Variants in NRXN1 observed in about 807,000 individuals in gnomAD.
The protein encoded by NRXN1 is neurexin-1.
Under a neutral mutation model 150.9 loss-of-function variants are expected in NRXN1, and 39 were observed. That is an observed-to-expected ratio of 0.26 (90% CI 0.20 to 0.34). The LOEUF (loss-of-function observed/expected upper bound fraction) is 0.34, where lower values mean the gene tolerates loss of function less well. Ranked by LOEUF, NRXN1 falls within the 10% of genes least tolerant of loss-of-function variation. The pLI is 1.00. For missense variants in NRXN1, 1,815 were observed against 1,949.9 expected, an observed-to-expected ratio of 0.93 and a Z score of 1.30; for synonymous variants, 924 against 757.0, an observed-to-expected ratio of 1.22 and a Z score of -3.62.
intron 12 of NRXN1, among the ~76,000 whole-genome samples, chr2:50,519,388 T>C (rs1015528431): frequency 3.3e-5 from 5 of 151,992 alleles, no homozygotes; most frequent in African/African-American, 9.7e-5. Flanking sequence ...TTGAAAAATA[T>C]TGGAATTAAT....
intron 17 of NRXN1, among the ~76,000 whole-genome samples, chr2:50,255,627 A>G (rs1408565491): frequency 6.6e-6 from 1 of 152,166 alleles, no homozygotes; most frequent in Non-Finnish European, 1.5e-5. Context: ...AGAAAAACCT[A>G]TAAAACAGAA....
chr2:50,115,645 A>G (rs1702959977), intron 18 of NRXN1, among the ~76,000 whole-genome samples: 2 of 152,128 alleles, frequency 1.3e-5, no homozygotes, highest in South Asian at 4.1e-4. Flanking sequence ...CAGTCTTGGG[A>G]AAAGAAAAAA....
At chr2:50,219,827 C>A (rs2063672241) in intron 18 of NRXN1, among the ~76,000 whole-genome samples, 1 of 146,742 alleles carries the variant, frequency 6.8e-6, no homozygotes, top group African/African-American at 2.5e-5. Context: ...AGTGTCGAGG[C>A]TTCAGTGAGC....
intron 5 of NRXN1, among the ~76,000 whole-genome samples, chr2:50,694,883 G>A (rs1046575270): frequency 7.2e-5 from 11 of 152,236 alleles, no homozygotes; most frequent in African/African-American, 2.2e-4. Flanking sequence ...TAATTGCGGG[G>A]TATTCTCTTG....
At chr2:49,977,871 A>C (rs2152503702) in intron 21 of NRXN1, among the ~76,000 whole-genome samples, 1 of 152,330 alleles carries the variant, frequency 6.6e-6, no homozygotes, top group East Asian at 1.9e-4. Context: ...TTTTAAAGGT[A>C]TGGACAGAAA....
intron 18 of NRXN1, among the ~76,000 whole-genome samples, chr2:50,113,227 C>T (rs576963989): frequency 6.6e-6 from 1 of 152,138 alleles, no homozygotes; most frequent in Non-Finnish European, 1.5e-5. Context: ...CTACCTTTCC[C>T]GCAGCCATCA....
intron 2 of NRXN1, among the ~76,000 whole-genome samples, chr2:50,956,249 C>A (rs1692266128): frequency 1.3e-5 from 2 of 152,052 alleles, no homozygotes; most frequent in South Asian, 4.1e-4. Flanking sequence ...TAACCTCTTA[C>A]TGTGCCTATT....
At chr2:50,007,591 C>T (rs958481744) in intron 21 of NRXN1, among the ~76,000 whole-genome samples, 3 of 152,026 alleles carry the variant, frequency 2.0e-5, no homozygotes, top group Non-Finnish European at 4.4e-5. Flanking sequence ...ATAGTATTCC[C>T]TAGTGTATAT....
At chr2:50,515,600 G>GGGGTGTGTGTGTGTGTGTGTGTGT (rs952552460) in intron 12 of NRXN1, among the ~76,000 whole-genome samples, 1 of 143,426 alleles carries the variant, frequency 7.0e-6, no homozygotes, top group African/African-American at 2.6e-5. Flanking sequence ...AAATGCTTGG[G>GGGGTGTGTGTGTGTGTGTGTGTGT]GTGTGTGTGT....
chr2:50,328,647 A>T (rs2076544205), intron 17 of NRXN1, among the ~76,000 whole-genome samples: 1 of 152,170 alleles, frequency 6.6e-6, no homozygotes, highest in African/African-American at 2.4e-5. Context: ...GAGGCAGGAA[A>T]ATCGTTTGAA....
intron 15 of NRXN1, among the ~76,000 whole-genome samples, chr2:50,494,980 G>A (rs1468270513): frequency 6.7e-6 from 1 of 150,216 alleles, no homozygotes; most frequent in African/African-American, 2.5e-5. Context: ...GAAGTGAGCC[G>A]AGATCGTGCC....
chr2:50,482,821 C>T (rs2090569729), intron 15 of NRXN1, among the ~76,000 whole-genome samples: 1 of 151,968 alleles, frequency 6.6e-6, no homozygotes, highest in Admixed American at 6.6e-5. Flanking sequence ...GGCCAACAGG[C>T]GCGGTGGCTC....
chr2:50,852,362 A>T (rs1199890037), intron 5 of NRXN1, among the ~76,000 whole-genome samples: 1 of 152,138 alleles, frequency 6.6e-6, no homozygotes, highest in Non-Finnish European at 1.5e-5. Flanking sequence ...TGACTAATTG[A>T]ATTTTGAGGA....
intron 15 of NRXN1, among the ~76,000 whole-genome samples, chr2:50,478,231 C>T (rs1339381791): frequency 6.6e-6 from 1 of 152,016 alleles, no homozygotes; most frequent in East Asian, 1.9e-4. Flanking sequence ...TAGTAGAAAG[C>T]CTAAGTGTGA....
At chr2:51,025,637 A>T (rs2105312526) in intron 2 of NRXN1, among the ~76,000 whole-genome samples, 1 of 152,266 alleles carries the variant, frequency 6.6e-6, no homozygotes, top group South Asian at 2.1e-4. Flanking sequence ...TTTCCCATAA[A>T]ATAATGTTCA....
In NRXN1 at chr2:50,584,150, T is replaced by C. The variant is rs560765362; in HGVS notation, c.1321-31125A>G. On this transcript the variant is annotated intron_variant, in intron 8 of 22. Coordinates refer to ENST00000401669, the MANE Select transcript of NRXN1 (RefSeq NM_001330078.2). ...TTTGAAGGAGAGTGAAGAGGTTATG[T>C]CTTTGAATTAGGAGAGAAATAATTT... Among the ~76,000 whole-genome samples the C allele has an allele frequency of 6.6e-5, 10 of 152,358 alleles. 1 individual carries two copies. Among genetic ancestry groups the C allele is most frequent in the African/African-American group, 2.2e-4 (9 of 41,590 alleles).
intron 17 of NRXN1, among the ~76,000 whole-genome samples, chr2:50,457,772 T>A (rs115083241): frequency 0.01 from 1,549 of 151,922 alleles, 15 homozygotes; most frequent in East Asian, 0.02. Flanking sequence ...AAAATCAAAA[T>A]CACAATGAGA....
rs879078886 is a variant in NRXN1 at position 50,355,585 on chromosome 2, T to A, written c.3364+109857A>T. ...TTGTTGTTGTTTTTACTTTGACATA[T>A]CCCATGCTATTCTCTCTGTAAAACT... On this transcript the variant is annotated intron_variant, in intron 17 of 22. Transcript: ENST00000401669. Among the ~76,000 whole-genome samples, 4 of 152,240 alleles carry A rather than the reference T, an allele frequency of 2.6e-5. No homozygotes were observed. The East Asian group carries it at 7.7e-4, about 29-fold the overall frequency.
chr2:50,712,281 C>T (rs1695269023), intron 5 of NRXN1, among the ~76,000 whole-genome samples: 1 of 151,988 alleles, frequency 6.6e-6, no homozygotes, highest in Non-Finnish European at 1.5e-5. Context: ...CTTTCCTTTC[C>T]AATGCTGTAT....
Sources: gnomAD v4.1 joint callset for allele counts (sites outside exome capture counted in the v4.1 genomes callset) on GRCh38, gnomAD v4.1.1 for gene constraint, MANE v1.5 for transcripts, NCBI Gene and HGNC (gene_info 2026-07-23, HGNC 2026-07-21) for gene names.